SOX5: variants seen among roughly 807,000 people sequenced by gnomAD.
The protein encoded by SOX5 is transcription factor SOX-5.
A neutral mutation model predicts 92.0 loss-of-function variants in SOX5; 9 were observed. The ratio of observed to expected loss-of-function variants is 0.10; its 90% CI spans 0.06 to 0.17. The LOEUF (loss-of-function observed/expected upper bound fraction) is 0.17, where lower values mean the gene tolerates loss of function less well. SOX5 is among the 10% of genes least tolerant of loss of function. SOX5 has a pLI of 1.00. For missense variants in SOX5, 642 were observed against 944.5 expected (o/e 0.68, Z 4.20); for synonymous variants, 344 against 336.3 (o/e 1.02, Z -0.25).
intron 6 of SOX5, among the ~76,000 whole-genome samples, chr12:23,680,351 A>G (rs2086407936): frequency 6.6e-6 from 1 of 150,616 alleles, no homozygotes; most frequent in African/African-American, 2.4e-5. Context: ...AAAAAAAGAA[A>G]AATATAATAA....
chr12:23,971,027 A>G (rs990591107), intron 4 of SOX5, among the ~76,000 whole-genome samples: 4 of 146,132 alleles, frequency 2.7e-5, no homozygotes, highest in African/African-American at 1.0e-4. Context: ...CCTGAAATGT[A>G]TGAGGGCTCC....
intron 4 of SOX5, among the ~76,000 whole-genome samples, chr12:24,095,124 CACACAGAGAGAGAG>C (rs1178900300): frequency 0.039 from 4,089 of 105,034 alleles, 79 homozygotes; most frequent in Non-Finnish European, 0.053. Context: ...CACACACACA[CACACAGAGAGAGAG>C]AGAGAGAGAG....
chr12:23,964,606 A>G (rs1439950775), intron 4 of SOX5, among the ~76,000 whole-genome samples: 1 of 152,200 alleles, frequency 6.6e-6, no homozygotes, highest in Non-Finnish European at 1.5e-5. Flanking sequence ...AGTCCAGCAC[A>G]ACAATGGATG....
At chr12:24,486,265 C>G (rs1946515250) in intron 1 of SOX5, among the ~76,000 whole-genome samples, 1 of 152,080 alleles carries the variant, frequency 6.6e-6, no homozygotes, top group Non-Finnish European at 1.5e-5. Flanking sequence ...TAATGTGAAA[C>G]TCAAGGATCT....
intron 4 of SOX5, among the ~76,000 whole-genome samples, chr12:24,192,826 TC>T (rs1403408198): frequency 6.6e-5 from 10 of 152,080 alleles, no homozygotes; most frequent in Non-Finnish European, 1.3e-4. Context: ...TCCAGCCTCT[TC>T]CCCCAGGTAA....
intron 4 of SOX5, among the ~76,000 whole-genome samples, chr12:24,162,168 A>G (rs76925519): frequency 0.056 from 8,563 of 152,156 alleles, 380 homozygotes; most frequent in Non-Finnish European, 0.089. Context: ...AGGGTTCAAG[A>G]GTTTTGACAT....
intron 2 of SOX5, among the ~76,000 whole-genome samples, chr12:23,882,388 CG>C (rs2097003606): frequency 6.6e-6 from 1 of 150,382 alleles, no homozygotes; most frequent in African/African-American, 2.4e-5. Context: ...AAAAAAACCA[CG>C]GTAATAAACA....
chr12:24,351,085 G>C (rs955658300), intron 2 of SOX5, among the ~76,000 whole-genome samples: 5 of 151,964 alleles, frequency 3.3e-5, no homozygotes, highest in African/African-American at 9.6e-5. Context: ...GAAAAGAAAA[G>C]AAAGAACTCA....
At chr12:23,638,066 C>T (rs773425175) in intron 8 of SOX5, 2 of 151,488 alleles carry the variant, frequency 1.3e-5, no homozygotes, top group Non-Finnish European at 1.5e-5. Flanking sequence ...TGGTGACACC[C>T]CAAATAAAAA....
intron 6 of SOX5, among the ~76,000 whole-genome samples, chr12:23,668,135 T>G (rs2084140281): frequency 6.6e-6 from 1 of 152,228 alleles, no homozygotes; most frequent in Admixed American, 6.5e-5. Context: ...CGCAGAAGAC[T>G]ATGTATTAGA....
chr12:23,803,844 C>T (rs1414983367), intron 3 of SOX5, among the ~76,000 whole-genome samples: 1 of 152,094 alleles, frequency 6.6e-6, no homozygotes, highest in Non-Finnish European at 1.5e-5. Context: ...GACACATGAA[C>T]CGCATTCCAG....
intron 1 of SOX5, among the ~76,000 whole-genome samples, chr12:23,918,872 G>C (rs891710582): frequency 6.6e-6 from 1 of 151,240 alleles, no homozygotes; most frequent in East Asian, 1.9e-4. Flanking sequence ...AGCCAAGATC[G>C]TGCCACTGCA....
chr12:23,755,799 C>T (rs1594079961), intron 3 of SOX5, 75 bp from the exon 4 acceptor site: 3 of 983,194 alleles, frequency 3.1e-6, no homozygotes, highest in East Asian at 5.8e-5. Flanking sequence ...AGTCTATCTG[C>T]TAAAAATAAG....
At chr12:24,523,753 T>C (rs921826689) in intron 1 of SOX5, among the ~76,000 whole-genome samples, 2 of 152,170 alleles carry the variant, frequency 1.3e-5, no homozygotes, top group East Asian at 3.9e-4. Flanking sequence ...CAAAATGGCA[T>C]GCAAACTTAA....
intron 1 of SOX5, among the ~76,000 whole-genome samples, chr12:23,900,798 G>A (rs4267163): frequency 0.65 from 98,603 of 151,832 alleles, 32,523 homozygotes; most frequent in East Asian, 0.88. Flanking sequence ...CATCTCTACT[G>A]AAATACAAAA....
chr12:24,261,926 T>C (rs1942152918), intron 3 of SOX5, among the ~76,000 whole-genome samples: 1 of 152,252 alleles, frequency 6.6e-6, no homozygotes, highest in East Asian at 1.9e-4. Context: ...TTTAAAAGCA[T>C]ATCAGATCGT....
chr12:24,053,665 T>C (rs532910420), intron 4 of SOX5, among the ~76,000 whole-genome samples: 1 of 152,326 alleles, frequency 6.6e-6, no homozygotes, highest in South Asian at 2.1e-4. Context: ...AGTCATTTCA[T>C]TGTTTGCAAA....
At chr12:24,006,634 T>C (rs896409511) in intron 4 of SOX5, among the ~76,000 whole-genome samples, 1 of 152,152 alleles carries the variant, frequency 6.6e-6, no homozygotes, top group Non-Finnish European at 1.5e-5. Flanking sequence ...GGTAGACAAA[T>C]CTGCCTGATC....
chr12:24,068,072 G>A (rs1941081874), intron 4 of SOX5, among the ~76,000 whole-genome samples: 1 of 152,222 alleles, frequency 6.6e-6, no homozygotes. Flanking sequence ...TTGAACCCAG[G>A]AGGTGGAGGT....
Sources: allele counts gnomAD v4.1 joint callset (sites outside exome capture counted in the v4.1 genomes callset), GRCh38; gene constraint gnomAD v4.1.1; transcripts MANE v1.5; gene names NCBI Gene and HGNC (gene_info 2026-07-23, HGNC 2026-07-21).